The following CCDC66 variants were observed in gnomAD, a reference collection of about 807,000 sequenced individuals.
The protein encoded by CCDC66 is coiled-coil domain-containing protein 66.
CCDC66 carries 133 observed loss-of-function variants against 128.3 expected under a neutral mutation model. That is an observed-to-expected ratio of 1.04 (90% CI 0.90 to 1.20). CCDC66 has a LOEUF of 1.20. CCDC66 is among the 50% of genes most tolerant of loss of function. The pLI is 0.00. For synonymous variants in CCDC66, 387 were observed against 357.0 expected, an observed-to-expected ratio of 1.08 and a Z score of -0.95; for missense variants, 1,126 against 1,075.5, an observed-to-expected ratio of 1.05 and a Z score of -0.66.
intron 10 of CCDC66, among the ~76,000 whole-genome samples, chr3:56,601,805 T>C (rs1326126679): frequency 6.6e-6 from 1 of 152,108 alleles, no homozygotes; most frequent in East Asian, 1.9e-4. Flanking sequence ...CTTGTGATTT[T>C]TGCACATTGA....
Position 56,566,757 on chromosome 3 carries a change from C to A in CCDC66, c.708C>A (p.Ala236=). ...ETSKQCEQKI[A]IENEWKPADI... is the part of the protein sequence containing the mutation. Reference sequence around the variant, plus strand: ...CTAAACAGTGTGAGCAAAAAATTGCCATGTATGTAACTCCTATCTGTTGTT... The same window carrying A: ...CTAAACAGTGTGAGCAAAAAATTGCAATGTATGTAACTCCTATCTGTTGTT... Residue 236 remains alanine, a splice_region_variant and synonymous_variant, in exon 5 of 18, where the codon GCC becomes GCA. Coordinates refer to ENST00000394672, the MANE Select transcript of CCDC66 (RefSeq NM_001141947.3). 6.2e-7 allele frequency: 1 copy of A among 1,608,876 alleles called. No homozygotes were observed. Among genetic ancestry groups the A allele is most frequent in the Non-Finnish European group, 8.5e-7 (1 of 1,177,440 alleles).
At chr3:56,591,726 T>C (rs984121844) in intron 7 of CCDC66, among the ~76,000 whole-genome samples, 17 of 152,350 alleles carry the variant, frequency 1.1e-4, no homozygotes, top group African/African-American at 3.8e-4. Flanking sequence ...GTTTTTAATC[T>C]GGTTAGAATG....
intron 14 of CCDC66, 111 bp from the exon 15 acceptor site, chr3:56,618,061 G>C: frequency 1.1e-6 from 1 of 870,874 alleles, no homozygotes; most frequent in South Asian, 1.4e-5. Flanking sequence ...GTCAGTACCT[G>C]TTATTCAAAT....
intron 7 of CCDC66, among the ~76,000 whole-genome samples, chr3:56,583,625 T>C (rs574843820): frequency 6.0e-4 from 91 of 151,968 alleles, no homozygotes; most frequent in Middle Eastern, 3.4e-3. Context: ...GGCAAGGTCA[T>C]AGATCAACAG....
At chr3:56,604,390 G>T (rs1406501354) in intron 10 of CCDC66, among the ~76,000 whole-genome samples, 1 of 151,926 alleles carries the variant, frequency 6.6e-6, no homozygotes, top group Non-Finnish European at 1.5e-5. Flanking sequence ...TTTACAATTT[G>T]GTATGTTTTT....
intron 7 of CCDC66, among the ~76,000 whole-genome samples, chr3:56,580,454 G>A (rs2068154156): frequency 6.6e-6 from 1 of 151,828 alleles, no homozygotes; most frequent in Non-Finnish European, 1.5e-5. Context: ...CTGTCATTAT[G>A]ATGTTAGCTG....
rs1303808054 is a variant in CCDC66 at position 56,617,395 on chromosome 3, T to TA, written c.2131dup (p.Arg711LysfsTer11). 6.2e-7 allele frequency: 1 copy of TA among 1,613,674 alleles called. No individual in the cohort carries two copies. Among genetic ancestry groups the TA allele is most frequent in the African/African-American group, 1.3e-5 (1 of 74,836 alleles). ...CTGATTGGAATATAAATAAGCCACC[T>TA]AAAAGGTATATTCCAGCATCAGAAA... On this transcript the variant is annotated frameshift_variant, in exon 14 of 18. Transcript: ENST00000394672. LOFTEE classifies it high-confidence loss of function.
chr3:56,593,745 A>C lies in CCDC66; in HGVS notation c.1319+4A>C, dbSNP rs763132428. 3 of 1,608,730 alleles carry C rather than the reference A, an allele frequency of 1.9e-6. No homozygotes were observed. The highest frequency in any genetic ancestry group is 2.6e-6 in the Non-Finnish European group (3 of 1,175,496). On this transcript the variant is annotated splice_donor_region_variant and intron_variant, in intron 9 of 17. Coordinates refer to ENST00000394672, the MANE Select transcript of CCDC66 (RefSeq NM_001141947.3). ...TGGCAAACAGTAAGAAAACAAAGTA[A>C]GTTCATGCTTATGTATTTATTGACT...
At chr3:56,586,295 G>T (rs1254551155) in intron 7 of CCDC66, among the ~76,000 whole-genome samples, 1 of 151,528 alleles carries the variant, frequency 6.6e-6, no homozygotes, top group African/African-American at 2.4e-5. Context: ...TTGGGAGGCT[G>T]AGGCGGGTGG....
intron 6 of CCDC66, chr3:56,569,374 G>A (rs149148234): frequency 8.8e-5 from 29 of 331,376 alleles, no homozygotes; most frequent in African/African-American, 5.5e-4. Flanking sequence ...GCCTCAGGAA[G>A]CTTTTACTCA....
chr3:56,598,029 G>A (rs2072422661), intron 10 of CCDC66, among the ~76,000 whole-genome samples: 1 of 151,750 alleles, frequency 6.6e-6, no homozygotes, highest in Admixed American at 6.6e-5. Flanking sequence ...ACCCGCCTTG[G>A]CCTCCCAAAG....
At chr3:56,571,101 C>A in intron 6 of CCDC66, 80 bp from the exon 7 acceptor site, 2 of 1,021,616 alleles carry the variant, frequency 2.0e-6, no homozygotes, top group South Asian at 1.7e-5. Flanking sequence ...TTGGTATCTG[C>A]ATTAAGAAGG....
chr3:56,596,567 C>T (rs1408373472), intron 10 of CCDC66, among the ~76,000 whole-genome samples: 1 of 146,004 alleles, frequency 6.8e-6, no homozygotes. Flanking sequence ...CTCTTTCACT[C>T]TGGTTATTGT....
At chr3:56,606,558 C>T (rs935192601) in intron 10 of CCDC66, among the ~76,000 whole-genome samples, 1 of 151,970 alleles carries the variant, frequency 6.6e-6, no homozygotes, top group Non-Finnish European at 1.5e-5. Flanking sequence ...TTTGCACTTT[C>T]TGGGTTGAGG....
intron 10 of CCDC66, among the ~76,000 whole-genome samples, chr3:56,612,498 C>T (rs1272670635): frequency 6.6e-6 from 1 of 152,080 alleles, no homozygotes; most frequent in Non-Finnish European, 1.5e-5. Flanking sequence ...AATTATTGGG[C>T]TTCTAGATGG....
intron 11 of CCDC66, among the ~76,000 whole-genome samples, chr3:56,614,370 ATAAT>A (rs1460692698): frequency 6.6e-6 from 1 of 152,198 alleles, no homozygotes; most frequent in Non-Finnish European, 1.5e-5. Flanking sequence ...TATTATATCA[ATAAT>A]TATTCTAGGT....
chr3:56,602,394 G>C (rs1383051165), intron 10 of CCDC66, among the ~76,000 whole-genome samples: 2 of 151,990 alleles, frequency 1.3e-5, no homozygotes, highest in Admixed American at 1.3e-4. Flanking sequence ...GAGGATTTTT[G>C]CATCAATGTT....
chr3:56,567,053 G>A lies in CCDC66; in HGVS notation c.814G>A (p.Asp272Asn). 1 of 1,608,288 alleles carries A rather than the reference G, an allele frequency of 6.2e-7. No individual in the cohort carries two copies. Among genetic ancestry groups the A allele is most frequent in the Non-Finnish European group, 8.5e-7 (1 of 1,174,842 alleles). ...AKKAQWRKEL[D>N]EQVALKKKEK... ...AAAAGCCCAGTGGAGGAAAGAGCTA[G>A]GTAGGTAACTTTTATACCTTTATTA... The change falls in exon 6 of 18, where the codon GAT becomes AAT. Residue 272 changes from aspartate to asparagine, a missense_variant and splice_region_variant. Transcript: ENST00000394672.
chr3:56,594,600 A>G (rs985034195), intron 10 of CCDC66, among the ~76,000 whole-genome samples: 38 of 151,774 alleles, frequency 2.5e-4, no homozygotes, highest in African/African-American at 9.2e-4. Context: ...GGAGAATGGC[A>G]TGAACCTGGG....
Sources: gnomAD v4.1 joint callset for allele counts (sites outside exome capture counted in the v4.1 genomes callset) on GRCh38, gnomAD v4.1.1 for gene constraint, MANE v1.5 for transcripts, NCBI Gene and HGNC (gene_info 2026-07-23, HGNC 2026-07-21) for gene names.